Variants in PKN2 observed in about 807,000 individuals in gnomAD.
PKN2 encodes the protein protein kinase N2, also known as serine/threonine-protein kinase N2.
PKN2 carries 38 observed loss-of-function variants against 119.1 expected under a neutral mutation model. The ratio of observed to expected loss-of-function variants is 0.32; its 90% CI spans 0.25 to 0.42. The LOEUF (loss-of-function observed/expected upper bound fraction) is 0.42, where lower values mean the gene tolerates loss of function less well. Among genes scored for constraint, PKN2 ranks in the 10% least tolerant of loss-of-function variants. PKN2 has a pLI of 1.00. For synonymous variants in PKN2, 390 were observed against 384.9 expected (o/e 1.01, Z -0.15); for missense variants, 850 against 1,165.1 (o/e 0.73, Z 3.94).
intron 1 of PKN2, among the ~76,000 whole-genome samples, chr1:88,695,338 A>T (rs1666500702): frequency 6.6e-6 from 1 of 152,192 alleles, no homozygotes. Flanking sequence ...AGTTAGAGTT[A>T]CATCATGCTA....
At chr1:88,771,377 A>G in intron 4 of PKN2, 44 bp from the exon 5 acceptor site, 11 of 1,489,294 alleles carry the variant, frequency 7.4e-6, no homozygotes, top group Non-Finnish European at 1.0e-5. Context: ...GCAAATTGGA[A>G]AGTCAGATAA....
At chr1:88,772,643 G>C (rs568863429) in intron 6 of PKN2, among the ~76,000 whole-genome samples, 3 of 152,150 alleles carry the variant, frequency 2.0e-5, no homozygotes. Flanking sequence ...GAACATTTAC[G>C]TGCAGGTTTT....
At chr1:88,811,759 A>C (rs1339396276) in intron 15 of PKN2, among the ~76,000 whole-genome samples, 1 of 152,252 alleles carries the variant, frequency 6.6e-6, no homozygotes, top group South Asian at 2.1e-4. Flanking sequence ...AACCATACAA[A>C]GCATAAAACC....
intron 1 of PKN2, among the ~76,000 whole-genome samples, chr1:88,704,478 C>T (rs932541323): frequency 6.6e-6 from 1 of 152,144 alleles, no homozygotes; most frequent in Non-Finnish European, 1.5e-5. Context: ...AGTGGACTTA[C>T]ACTTTCATTA....
chr1:88,774,009 T>C (rs1669991669), intron 6 of PKN2, among the ~76,000 whole-genome samples: 1 of 152,184 alleles, frequency 6.6e-6, no homozygotes, highest in South Asian at 2.1e-4. Flanking sequence ...CTCAGCTCAG[T>C]AATTTGCAGG....
chr1:88,813,542 T>G lies in PKN2; in HGVS notation c.2103-15T>G. 1 of 1,501,052 alleles carries G rather than the reference T, an allele frequency of 6.7e-7. No individual in the cohort carries two copies. The highest frequency in any genetic ancestry group is 9.0e-7 in the Non-Finnish European group (1 of 1,108,794). 93.0% of individuals were successfully genotyped at this position (1,501,052 alleles called of 1,614,324 possible). Reference sequence around the variant, plus strand: ...TATTTTTAATCTGCTTATTTTAAAATATTTTCTTTTACAGCCTGATGTGTG... The same window carrying G: ...TATTTTTAATCTGCTTATTTTAAAAGATTTTCTTTTACAGCCTGATGTGTG... On this transcript the variant is annotated splice_polypyrimidine_tract_variant and intron_variant, in intron 15 of 21. Transcript: ENST00000370521.
chr1:88,820,192 AT>A (rs1672197254), intron 16 of PKN2, among the ~76,000 whole-genome samples: 2 of 8,108 alleles, frequency 2.5e-4, no homozygotes, highest in African/African-American at 6.4e-4. Context: ...ATATATATAT[AT>A]ATATATATAT....
At chr1:88,705,537 CA>C (rs56969212) in intron 1 of PKN2, among the ~76,000 whole-genome samples, 105,902 of 148,328 alleles carry the variant, frequency 0.71, 38,500 homozygotes, top group African/African-American at 0.88. Context: ...ACTAAAAATA[CA>C]AAAAAAAAAA....
intron 1 of PKN2, among the ~76,000 whole-genome samples, chr1:88,727,631 A>G (rs79396300): frequency 6.6e-5 from 10 of 152,262 alleles, no homozygotes; most frequent in Admixed American, 1.3e-4. Flanking sequence ...TGTGGGCTAC[A>G]TGTGTATTTT....
At chr1:88,729,783 A>G (rs1302469495) in intron 1 of PKN2, among the ~76,000 whole-genome samples, 2 of 152,172 alleles carry the variant, frequency 1.3e-5, no homozygotes. Context: ...TTTTGTAACA[A>G]TGCACCATAG....
chr1:88,758,009 A>G (rs926310721), intron 2 of PKN2, among the ~76,000 whole-genome samples: 1 of 143,492 alleles, frequency 7.0e-6, no homozygotes, highest in Non-Finnish European at 1.5e-5. Flanking sequence ...CCACTGCACT[A>G]CAACCTGGGC....
intron 6 of PKN2, among the ~76,000 whole-genome samples, chr1:88,777,936 A>G (rs538751328): frequency 6.6e-6 from 1 of 152,318 alleles, no homozygotes; most frequent in Non-Finnish European, 1.5e-5. Context: ...CAAAATGAGA[A>G]CCTGGGTCTC....
At chr1:88,746,584 CTA>C (rs1557583801) in intron 2 of PKN2, among the ~76,000 whole-genome samples, 1 of 151,792 alleles carries the variant, frequency 6.6e-6, no homozygotes, top group Non-Finnish European at 1.5e-5. Flanking sequence ...ATTAGATTGG[CTA>C]TTATCAAAAA....
chr1:88,690,146 T>C (rs1666272505), intron 1 of PKN2, among the ~76,000 whole-genome samples: 1 of 152,182 alleles, frequency 6.6e-6, no homozygotes, highest in Non-Finnish European at 1.5e-5. Flanking sequence ...TCACATAGTG[T>C]TGAAATAGGG....
chr1:88,720,303 A>G (rs995542435), intron 1 of PKN2, among the ~76,000 whole-genome samples: 1 of 152,120 alleles, frequency 6.6e-6, no homozygotes, highest in Non-Finnish European at 1.5e-5. Context: ...TACAGGTGTG[A>G]GCCACCGCGC....
intron 13 of PKN2, 23 bp from the exon 14 acceptor site, chr1:88,807,506 T>G (rs376010232): frequency 3.4e-5 from 55 of 1,603,958 alleles, no homozygotes; most frequent in Non-Finnish European, 4.5e-5. Context: ...TGTCTTATTA[T>G]TAATTGAAAT....
chr1:88,804,200 T>C (rs1002299947), intron 8 of PKN2, among the ~76,000 whole-genome samples, 191 bp from the exon 9 acceptor site: 20 of 152,194 alleles, frequency 1.3e-4, no homozygotes, highest in African/African-American at 4.8e-4. Flanking sequence ...TTCTTTGAAT[T>C]AAAATGTGTA....
chr1:88,807,325 GT>G lies in PKN2; in HGVS notation c.1821del (p.Phe607LeufsTer27). The G allele has an allele frequency of 1.3e-6, 2 of 1,567,648 alleles. No individual in the cohort carries two copies. The highest frequency in any genetic ancestry group is 1.8e-5 in the Admixed American group (1 of 55,916). On this transcript the variant is annotated frameshift_variant, in exon 13 of 22. Coordinates refer to ENST00000370521, the MANE Select transcript of PKN2 (RefSeq NM_006256.4). LOFTEE classifies it high-confidence loss of function. ...LDIPGQDSET[V>X]FDIQNDRNSI... ...TAATATTTTACAGGATTCAGAGACTGTTTTTGATATTCAGAATGACAGAAAT... is the reference window on the plus strand; with the variant it reads ...TAATATTTTACAGGATTCAGAGACTGTTTTGATATTCAGAATGACAGAAAT...
Position 88,760,267 on chromosome 1 carries a change from C to A in PKN2, c.395C>A (p.Ser132Tyr). Residue 132 changes from serine to tyrosine, a missense_variant, in exon 3 of 22, where the codon TCT becomes TAT. Coordinates refer to ENST00000370521, the MANE Select transcript of PKN2 (RefSeq NM_006256.4). ...ACTCCAAATAATGACCCTCGTTGTT[C>A]TACTAGCAACAATAGATTGAAGGCC... ...PDTPNNDPRC[S>Y]TSNNRLKALQ... 1 of 1,576,400 alleles carries A rather than the reference C, an allele frequency of 6.3e-7. No homozygotes were observed. Among genetic ancestry groups the A allele is most frequent in the Non-Finnish European group, 8.7e-7 (1 of 1,149,432 alleles).
Sources: allele counts gnomAD v4.1 joint callset (sites outside exome capture counted in the v4.1 genomes callset), GRCh38; gene constraint gnomAD v4.1.1; transcripts MANE v1.5; gene names NCBI Gene and HGNC (gene_info 2026-07-23, HGNC 2026-07-21).